The following DMD variants were observed in gnomAD, a reference collection of about 807,000 sequenced individuals.
DMD encodes the protein dystrophin, also known as mutant dystrophin.
Under a neutral mutation model 330.1 loss-of-function variants are expected in DMD, and 63 were observed. The ratio of observed to expected loss-of-function variants is 0.19; its 90% CI spans 0.16 to 0.24. The LOEUF (loss-of-function observed/expected upper bound fraction) is 0.24. DMD is among the 10% of genes least tolerant of loss of function. The pLI is 1.00. For missense variants in DMD, 3,344 were observed against 2,684.1 expected (o/e 1.25, Z -5.43); for synonymous variants, 1,223 against 959.8 (o/e 1.27, Z -5.07).
intron 37 of DMD, among the ~76,000 whole-genome samples, chrX:32,358,209 A>C (rs761607952): frequency 9.0e-6 from 1 of 111,136 alleles, no homozygotes; most frequent in South Asian, 3.9e-4. Context: ...CCCCTTCTCC[A>C]ACTTGGCTTC....
intron 44 of DMD, among the ~76,000 whole-genome samples, chrX:32,164,795 C>G (rs1037427012): frequency 1.6e-5 from 1 of 63,802 alleles, no homozygotes; most frequent in East Asian, 3.4e-4. Context: ...TGGACCAGGT[C>G]CCCCCCCCAA....
intron 1 of DMD, among the ~76,000 whole-genome samples, chrX:33,106,321 G>A (rs1215879636): frequency 9.0e-6 from 1 of 110,767 alleles, no homozygotes; most frequent in Non-Finnish European, 1.9e-5. Context: ...ACTACATATT[G>A]GGTACAACGT....
intron 55 of DMD, among the ~76,000 whole-genome samples, chrX:31,517,918 A>AACACACACACAC (rs372551324): frequency 6.7e-5 from 6 of 89,622 alleles, no homozygotes; most frequent in Admixed American, 3.8e-4. Flanking sequence ...CTGTGTTTCA[A>AACACACACACAC]ACACACACAC....
intron 1 of DMD, among the ~76,000 whole-genome samples, chrX:33,052,435 C>T (rs1031027533): frequency 2.7e-5 from 3 of 111,701 alleles, no homozygotes; most frequent in African/African-American, 6.5e-5. Context: ...TTAAAACACA[C>T]GGAAGTAAAT....
intron 62 of DMD, among the ~76,000 whole-genome samples, chrX:31,273,013 G>GA (rs1028454631): frequency 6.3e-5 from 7 of 111,045 alleles, no homozygotes; most frequent in Non-Finnish European, 1.1e-4. Flanking sequence ...TTTGAGGTGA[G>GA]AAAAAAAATT....
At chrX:32,586,781 G>C (rs895130673) in intron 13 of DMD, among the ~76,000 whole-genome samples, 1 of 110,771 alleles carries the variant, frequency 9.0e-6, no homozygotes, top group African/African-American at 3.3e-5. Flanking sequence ...CCACCTGCAA[G>C]CTATATGAAC....
chrX:32,550,383 T>C (rs1341441776), intron 16 of DMD, among the ~76,000 whole-genome samples: 1 of 111,652 alleles, frequency 9.0e-6, no homozygotes, highest in African/African-American at 3.3e-5. Context: ...TGCTCCTGAA[T>C]GACCTCTGGG....
chrX:33,082,367 T>A, intron 1 of DMD, among the ~76,000 whole-genome samples: 1 of 112,326 alleles, frequency 8.9e-6, no homozygotes, highest in East Asian at 2.8e-4. Flanking sequence ...AAAGACATAG[T>A]AAGAAGTTTC....
Position 32,451,629 on chromosome X carries a change from T to G in DMD, c.3604-2991A>C, listed in dbSNP as rs1056646752. The stretch of plus-strand genomic sequence containing the variant: ...TTCAGGTAAAACACAGGAAAGAACA[T>G]AAACAGAAGGGGGGGTCTCTATTTC... On this transcript the variant is annotated intron_variant, in intron 26 of 78. Transcript: ENST00000357033. Among the ~76,000 whole-genome samples, 5 of 38,486 alleles carry G rather than the reference T, an allele frequency of 1.3e-4. No individual in the cohort carries two copies. The African/African-American group carries it at 1.4e-3, about 11-fold the overall frequency. The allele number at this position is 38,486 out of a possible 115,157, so 33.4% of individuals were successfully genotyped here.
chrX:31,387,018 G>A (rs1014799110), intron 60 of DMD, among the ~76,000 whole-genome samples: 1 of 111,678 alleles, frequency 9.0e-6, no homozygotes, highest in African/African-American at 3.3e-5. Flanking sequence ...CAGTGATTAG[G>A]ACTAGTGGAC....
chrX:33,019,413 A>G (rs1181578487), intron 2 of DMD, among the ~76,000 whole-genome samples: 3 of 111,603 alleles, frequency 2.7e-5, no homozygotes, highest in East Asian at 2.8e-4. Context: ...TGATGGAAAC[A>G]TAAGAAAACC....
chrX:32,558,938 C>CTTTTTTTTTTTTTTTTT (rs60739281), intron 16 of DMD, among the ~76,000 whole-genome samples: 3 of 50,828 alleles, frequency 5.9e-5, no homozygotes, highest in African/African-American at 2.1e-4. Flanking sequence ...TTCAAATTTT[C>CTTTTTTTTTTTTTTTTT]TTTTTTTTTT....
chrX:32,801,716 C>A (rs940520431), intron 7 of DMD, among the ~76,000 whole-genome samples: 1 of 111,717 alleles, frequency 9.0e-6, no homozygotes. Context: ...CAGTTTCAGT[C>A]TTCTGCATAT....
intron 67 of DMD, among the ~76,000 whole-genome samples, chrX:31,190,017 A>G (rs1342336571): frequency 8.9e-6 from 1 of 112,410 alleles, no homozygotes; most frequent in Admixed American, 9.4e-5. Flanking sequence ...AAATATAGGT[A>G]TACACAAAAT....
intron 55 of DMD, among the ~76,000 whole-genome samples, chrX:31,541,889 G>C (rs1035825279): frequency 6.1e-4 from 68 of 111,470 alleles, no homozygotes; most frequent in African/African-American, 2.1e-3. Context: ...AGATTTCAAA[G>C]ACTTAGAATG....
intron 44 of DMD, among the ~76,000 whole-genome samples, chrX:32,015,231 G>A (rs1360379369): frequency 1.8e-5 from 2 of 111,691 alleles, no homozygotes; most frequent in Non-Finnish European, 3.8e-5. Flanking sequence ...TTCGATCGAC[G>A]CTTTTCAAAT....
chrX:32,555,441 G>A (rs1329224030), intron 16 of DMD, among the ~76,000 whole-genome samples: 1 of 111,384 alleles, frequency 9.0e-6, no homozygotes, highest in Non-Finnish European at 1.9e-5. Context: ...TTCTGACCAG[G>A]GCAATCAGGG....
At chrX:33,016,068 TA>T (rs913567988) in intron 2 of DMD, among the ~76,000 whole-genome samples, 12 of 110,213 alleles carry the variant, frequency 1.1e-4, no homozygotes, top group African/African-American at 4.0e-4. Context: ...CATGACAAGA[TA>T]ATGAAGGAAT....
At chrX:32,815,699 A>G (rs993412890) in intron 6 of DMD, among the ~76,000 whole-genome samples, 1 of 109,207 alleles carries the variant, frequency 9.2e-6, no homozygotes, top group African/African-American at 3.3e-5. Context: ...CAAGAAAAGC[A>G]AAAAAAATCT....
Sources: allele counts gnomAD v4.1 joint callset (sites outside exome capture counted in the v4.1 genomes callset), GRCh38; gene constraint gnomAD v4.1.1; transcripts MANE v1.5; gene names NCBI Gene and HGNC (gene_info 2026-07-23, HGNC 2026-07-21).